The following TRMT10B variants were observed in gnomAD, a reference collection of about 807,000 sequenced individuals.
The protein encoded by TRMT10B is tRNA methyltransferase 10 homolog B.
Under a neutral mutation model 43.8 loss-of-function variants are expected in TRMT10B, and 33 were observed. The observed-to-expected ratio is 0.75, with a 90% CI of 0.57 to 1.01. The LOEUF (loss-of-function observed/expected upper bound fraction) is 1.01, where lower values mean the gene tolerates loss of function less well. Among genes scored for constraint, TRMT10B ranks in the 50% least tolerant of loss-of-function variants. TRMT10B has a pLI of 0.00. For synonymous variants in TRMT10B, 137 were observed against 130.6 expected (o/e 1.05, Z -0.34); for missense variants, 362 against 369.8 (o/e 0.98, Z 0.17).
intron 1 of TRMT10B, among the ~76,000 whole-genome samples, chr9:37,761,105 A>G (rs1589013855): frequency 6.6e-6 from 1 of 152,210 alleles, no homozygotes; most frequent in Non-Finnish European, 1.5e-5. Context: ...CAACAACCTA[A>G]AAGAATTCTT....
chr9:37,753,387 A>G (rs1825170959), upstream of TRMT10B, among the ~76,000 whole-genome samples: 1 of 152,224 alleles, frequency 6.6e-6, no homozygotes, highest in African/African-American at 2.4e-5. Context: ...ATATCAGTGC[A>G]TGTCCAACCG....
At chr9:37,754,891 GACAA>G (rs1426710986) in intron 1 of TRMT10B, among the ~76,000 whole-genome samples, 2 of 152,170 alleles carry the variant, frequency 1.3e-5, no homozygotes, top group Non-Finnish European at 2.9e-5. Context: ...GTGAGAAGGG[GACAA>G]ACATTCAAAC....
chr9:37,770,056 G>T, intron 6 of TRMT10B, 37 bp downstream of exon 6: 1 of 1,548,426 alleles, frequency 6.5e-7, no homozygotes, highest in Non-Finnish European at 8.9e-7. Context: ...ATAGCCCATT[G>T]TTCCTGTGTT....
chr9:37,757,234 T>C (rs982445758), intron 1 of TRMT10B, among the ~76,000 whole-genome samples: 3 of 152,094 alleles, frequency 2.0e-5, no homozygotes, highest in African/African-American at 7.2e-5. Context: ...CAGGTGTGCA[T>C]CATCATGCTC....
chr9:37,769,299 C>A (rs1043753411), intron 5 of TRMT10B, among the ~76,000 whole-genome samples: 5 of 115,702 alleles, frequency 4.3e-5, no homozygotes, highest in Non-Finnish European at 6.7e-5. Context: ...CAGAGCCAGA[C>A]CCTGTCTTTA....
intron 8 of TRMT10B, 100 bp from the exon 9 acceptor site, chr9:37,777,501 G>C (rs58506981): frequency 1.0e-6 from 1 of 982,184 alleles, no homozygotes; most frequent in East Asian, 2.5e-5. Flanking sequence ...ATATGGTGCA[G>C]AATAGGTTTG....
chr9:37,762,573 T>A lies in TRMT10B; in HGVS notation c.187-4T>A. 2 of 1,579,438 alleles carry A rather than the reference T, an allele frequency of 1.3e-6. No individual in the cohort carries two copies. The highest frequency in any genetic ancestry group is 1.7e-6 in the Non-Finnish European group (2 of 1,162,542). ...AAACAATTTTGTTTTCTGGATAATA[T>A]AAGAAAAATGTCCAGAGAAAACAGA... On this transcript the variant is annotated splice_polypyrimidine_tract_variant and splice_region_variant and intron_variant, in intron 2 of 8. Transcript: ENST00000297994.
At chr9:37,755,513 T>G (rs569335122) in intron 1 of TRMT10B, among the ~76,000 whole-genome samples, 5 of 152,324 alleles carry the variant, frequency 3.3e-5, no homozygotes, top group Non-Finnish European at 7.4e-5. Flanking sequence ...CACCTTTGCT[T>G]TCTGAGGATC....
chr9:37,760,406 T>A (rs1374842635), intron 1 of TRMT10B, among the ~76,000 whole-genome samples: 1 of 152,210 alleles, frequency 6.6e-6, no homozygotes, highest in Admixed American at 6.5e-5. Context: ...ATGCCTGTAG[T>A]CCTAGCTACA....
intron 1 of TRMT10B, among the ~76,000 whole-genome samples, chr9:37,756,741 T>TATAC (rs1554675022): frequency 1.7e-4 from 26 of 149,868 alleles, no homozygotes; most frequent in African/African-American, 6.4e-4. Context: ...TATATATATA[T>TATAC]ACACACACAC....
intron 1 of TRMT10B, among the ~76,000 whole-genome samples, chr9:37,758,906 T>C (rs548761035): frequency 7.9e-5 from 12 of 152,278 alleles, no homozygotes; most frequent in African/African-American, 2.9e-4. Context: ...TCTGTGTCAC[T>C]GGGTGGAGCA....
chr9:37,769,529 G>GCTGT (rs1563999048), intron 5 of TRMT10B: 1 of 171,990 alleles, frequency 5.8e-6, no homozygotes, highest in Non-Finnish European at 1.3e-5. Context: ...AAGCTGTCAA[G>GCTGT]CTGTCACATG....
chr9:37,763,320 A>G (rs1826620146), intron 3 of TRMT10B, among the ~76,000 whole-genome samples: 2 of 152,136 alleles, frequency 1.3e-5, no homozygotes, highest in Admixed American at 1.3e-4. Context: ...TACCTCAATA[A>G]AGAGGAGCTG....
intron 5 of TRMT10B, among the ~76,000 whole-genome samples, chr9:37,769,308 TAAAAAAAAAAAAAAAAAAAAAAAAAA>T (rs57651814): frequency 1.6e-5 from 1 of 60,718 alleles, no homozygotes; most frequent in Non-Finnish European, 2.8e-5. Context: ...ACCCTGTCTT[TAAAAAAAAAAAAAAAAAAAAAAAAAA>T]AAAAAAATCT....
chr9:37,758,163 C>T (rs1589006094), intron 1 of TRMT10B, among the ~76,000 whole-genome samples: 1 of 152,220 alleles, frequency 6.6e-6, no homozygotes, highest in East Asian at 1.9e-4. Flanking sequence ...TGTAATCCCA[C>T]CACTTTGGGA....
chr9:37,753,490 T>G (rs1400604506), upstream of TRMT10B, among the ~76,000 whole-genome samples: 1 of 150,904 alleles, frequency 6.6e-6, no homozygotes, highest in Non-Finnish European at 1.5e-5. Flanking sequence ...GGTGCGGGCC[T>G]TAGAATTTTT....
At position 37,770,460 on chromosome 9, in the gene TRMT10B, G is replaced by T. The variant is rs543423864; in HGVS notation, c.653-212G>T. On this transcript the variant is annotated intron_variant, in intron 6 of 8. Coordinates refer to ENST00000297994, the MANE Select transcript of TRMT10B (RefSeq NM_144964.4). ...CTTTCTGAATCTAATGTTGATTTGG[G>T]TCTGCTACCCTTTTTCGTGATTAGC... is the stretch of plus-strand genomic sequence containing the variant. 2.0e-5 allele frequency among the ~76,000 whole-genome samples: 3 copies of T among 152,136 alleles called. No homozygotes were observed. In the South Asian group the frequency reaches 6.2e-4, roughly 32 times the overall value.
rs1347682686 is a variant in TRMT10B, at chr9:37,778,870, T to G, written c.*1163T>G. 6.6e-6 allele frequency: 1 copy of G among 152,222 alleles called. No individual in the cohort carries two copies. The highest frequency in any genetic ancestry group is 1.5e-5 in the Non-Finnish European group (1 of 68,056). The allele number at this position is 152,222 out of a possible 1,614,324, so 9.4% of individuals were successfully genotyped here. On this transcript the variant is annotated 3_prime_UTR_variant, in exon 9 of 9. Coordinates refer to ENST00000297994, the MANE Select transcript of TRMT10B (RefSeq NM_144964.4). ...CTAATCCTTCCTAATGGTAGGATCC[T>G]AACAGGACAAATCTGTGTACCTATC...
At chr9:37,765,845 G>A (rs1226854479) in intron 4 of TRMT10B, among the ~76,000 whole-genome samples, 2 of 151,980 alleles carry the variant, frequency 1.3e-5, no homozygotes, top group African/African-American at 4.8e-5. Flanking sequence ...TAGTGATGAT[G>A]AGCATTTTTT....
Sources: gnomAD v4.1 joint callset for allele counts (sites outside exome capture counted in the v4.1 genomes callset) on GRCh38, gnomAD v4.1.1 for gene constraint, MANE v1.5 for transcripts, NCBI Gene and HGNC (gene_info 2026-07-23, HGNC 2026-07-21) for gene names.